The following PRKN variants were observed in gnomAD, a reference collection of about 807,000 sequenced individuals.
The protein encoded by PRKN is E3 ubiquitin-protein ligase parkin.
Under a neutral mutation model 59.5 loss-of-function variants are expected in PRKN, and 56 were observed. The observed-to-expected ratio is 0.94, with a 90% CI of 0.76 to 1.18. The LOEUF is 1.18. Ranked by LOEUF, PRKN falls within the 50% of genes most tolerant of loss-of-function variation. The pLI, the probability that PRKN is intolerant of heterozygous loss-of-function variation, is 0.00. For missense variants in PRKN, 657 were observed against 596.4 expected (o/e 1.10, Z -1.06); for synonymous variants, 250 against 222.1 (o/e 1.13, Z -1.12).
At chr6:162,212,579 T>G (rs1785251348) in intron 3 of PRKN, among the ~76,000 whole-genome samples, 1 of 152,180 alleles carries the variant, frequency 6.6e-6, no homozygotes, top group Non-Finnish European at 1.5e-5. Context: ...CAGGCCGGCA[T>G]GTATTCTTCA....
At chr6:162,050,052 G>A (rs1301996883) in intron 5 of PRKN, among the ~76,000 whole-genome samples, 3 of 152,108 alleles carry the variant, frequency 2.0e-5, no homozygotes. Context: ...TTATCTTCCT[G>A]CGTTACTAAA....
chr6:161,951,098 T>G (rs1203167128), intron 6 of PRKN, among the ~76,000 whole-genome samples: 1 of 151,726 alleles, frequency 6.6e-6, no homozygotes, highest in South Asian at 2.1e-4. Context: ...TCAATATTTG[T>G]TCATAAGAAT....
intron 1 of PRKN, among the ~76,000 whole-genome samples, chr6:162,658,661 AAAAAAAAAAAAAG>A (rs1261726556): frequency 3.6e-3 from 77 of 21,396 alleles, no homozygotes; most frequent in Admixed American, 0.025. Context: ...ACTCTGTCAA[AAAAAAAAAAAAAG>A]AAAAAAAAAA....
At chr6:161,537,131 ATTTC>A (rs1779443253) in intron 9 of PRKN, among the ~76,000 whole-genome samples, 1 of 152,126 alleles carries the variant, frequency 6.6e-6, no homozygotes, top group Non-Finnish European at 1.5e-5. Context: ...TTTGATTTAG[ATTTC>A]TTTCTTTCCA....
At chr6:161,977,777 G>A (rs1238658674) in intron 5 of PRKN, among the ~76,000 whole-genome samples, 1 of 151,482 alleles carries the variant, frequency 6.6e-6, no homozygotes, top group Non-Finnish European at 1.5e-5. Flanking sequence ...TCAATCTCCT[G>A]ACCTCGTGAT....
At position 161,576,546 on chromosome 6, in the gene PRKN, C is replaced by A. The variant is rs1455984186; in HGVS notation, c.872-7130G>T. ...AATCATTCAACAAATAGCCATTGTG[C>A]ACCCACTTTGTGCCAGGCACTATTA... On this transcript the variant is annotated intron_variant, in intron 7 of 11. Transcript: ENST00000366898. This position sits in a 1 kb window ranked among gnomAD's most constrained non-coding sequence, Gnocchi z 4.6. 6.6e-6 allele frequency among the ~76,000 whole-genome samples: 1 copy of A among 152,224 alleles called. No individual in the cohort carries two copies. The highest frequency in any genetic ancestry group is 2.4e-5 in the African/African-American group (1 of 41,462).
chr6:162,556,762 A>AG (rs1235207362), intron 1 of PRKN, among the ~76,000 whole-genome samples: 7 of 150,980 alleles, frequency 4.6e-5, no homozygotes, highest in African/African-American at 1.2e-4. Context: ...AAAAAAAAAA[A>AG]AGAGAAAAGG....
At chr6:162,516,588 C>T (rs1468084225) in intron 1 of PRKN, among the ~76,000 whole-genome samples, 2 of 151,980 alleles carry the variant, frequency 1.3e-5, no homozygotes, top group African/African-American at 2.4e-5. Context: ...ACTGTCTCTA[C>T]TAAAAATACA....
intron 2 of PRKN, among the ~76,000 whole-genome samples, chr6:162,432,349 CACTCCA>C (rs1228097815): frequency 1.3e-5 from 2 of 152,026 alleles, no homozygotes; most frequent in Non-Finnish European, 2.9e-5. Context: ...AACATGGTAA[CACTCCA>C]ACTCTATTAA....
chr6:162,443,561 C>G lies in PRKN; in HGVS notation c.8-88G>C. ...ATAGCAACATTTCTCAACCGATTTACCCCTCGCAGCCCTTCAGTGAATGGT... is the reference window on the plus strand; with the variant it reads ...ATAGCAACATTTCTCAACCGATTTAGCCCTCGCAGCCCTTCAGTGAATGGT... On this transcript the variant is annotated intron_variant, in intron 1 of 11. Transcript: ENST00000366898. 2.6e-6 allele frequency: 3 copies of G among 1,165,940 alleles called. 1 individual carries two copies. In the South Asian group the frequency reaches 3.7e-5, roughly 14 times the overall value. 72.2% of individuals were successfully genotyped at this position (1,165,940 alleles called of 1,614,324 possible).
intron 4 of PRKN, among the ~76,000 whole-genome samples, chr6:162,181,118 G>A (rs1263930132): frequency 6.6e-6 from 1 of 152,212 alleles, no homozygotes; most frequent in Non-Finnish European, 1.5e-5. Flanking sequence ...GATATCTGTG[G>A]AGGGGAGTGG....
intron 4 of PRKN, among the ~76,000 whole-genome samples, chr6:162,061,834 T>C (rs1778118490): frequency 1.3e-5 from 2 of 152,230 alleles, no homozygotes; most frequent in Admixed American, 1.3e-4. Context: ...TTGTAGACTT[T>C]CTATAGTAGC....
chr6:162,187,274 G>A lies in PRKN; in HGVS notation c.534+13857C>T, dbSNP rs144395089. 2.1e-3 allele frequency among the ~76,000 whole-genome samples: 324 copies of A among 152,304 alleles called. 1 individual carries two copies. The highest frequency in any genetic ancestry group is 7.5e-3 in the African/African-American group (312 of 41,576). ...TCAGTATATGCTTGGAGGTGAAGCAGACATTTCCTCTGGTGACCTCTAAAC... is the reference window on the plus strand; with the variant it reads ...TCAGTATATGCTTGGAGGTGAAGCAAACATTTCCTCTGGTGACCTCTAAAC... On this transcript the variant is annotated intron_variant, in intron 4 of 11. Transcript: ENST00000366898.
chr6:161,829,968 C>T (rs1387493412), intron 6 of PRKN, among the ~76,000 whole-genome samples: 1 of 152,098 alleles, frequency 6.6e-6, no homozygotes, highest in Non-Finnish European at 1.5e-5. Context: ...GTAGCTTGGC[C>T]GGGAGCTGGG....
At chr6:162,601,631 A>G (rs1305569261) in intron 1 of PRKN, among the ~76,000 whole-genome samples, 3 of 152,194 alleles carry the variant, frequency 2.0e-5, no homozygotes, top group Non-Finnish European at 4.4e-5. Flanking sequence ...TTTCTGAAGT[A>G]TAGCTAGGAT....
intron 7 of PRKN, among the ~76,000 whole-genome samples, chr6:161,748,363 T>C (rs1053544077): frequency 6.6e-6 from 1 of 151,998 alleles, no homozygotes; most frequent in African/African-American, 2.4e-5. Flanking sequence ...GTTTTTTTTT[T>C]GTCTGTGTAC....
intron 1 of PRKN, among the ~76,000 whole-genome samples, chr6:162,543,786 A>G (rs1436897298): frequency 1.3e-5 from 2 of 152,084 alleles, no homozygotes; most frequent in Non-Finnish European, 2.9e-5. Flanking sequence ...GCCCAGGCCA[A>G]TAGATAGCCT....
intron 3 of PRKN, among the ~76,000 whole-genome samples, chr6:162,229,157 T>C (rs537166548): frequency 2.0e-5 from 3 of 152,208 alleles, no homozygotes; most frequent in Admixed American, 6.6e-5. Context: ...CTCATCTGCC[T>C]TGCCATCTCT....
intron 1 of PRKN, among the ~76,000 whole-genome samples, chr6:162,627,960 A>C (rs1782959791): frequency 1.3e-5 from 2 of 152,032 alleles, no homozygotes; most frequent in Non-Finnish European, 1.5e-5. Flanking sequence ...ACATCAAACC[A>C]CTCGGTATCA....
Sources: allele counts gnomAD v4.1 joint callset (sites outside exome capture counted in the v4.1 genomes callset), GRCh38; gene constraint gnomAD v4.1.1; non-coding constraint Gnocchi (gnomAD v3.1); transcripts MANE v1.5; gene names NCBI Gene and HGNC (gene_info 2026-07-23, HGNC 2026-07-21).